The following SNX19 variants were observed in gnomAD, a reference collection of about 807,000 sequenced individuals.
SNX19 encodes the protein sorting nexin-19.
Under a neutral mutation model 85.2 loss-of-function variants are expected in SNX19, and 60 were observed. The observed-to-expected ratio is 0.70, with a 90% CI of 0.57 to 0.87. The LOEUF (loss-of-function observed/expected upper bound fraction) is 0.87. Ranked by LOEUF, SNX19 falls within the 40% of genes least tolerant of loss-of-function variation. The probability of loss-of-function intolerance (pLI) is 0.00; values close to 1 mark genes in which losing one functional copy is unlikely to be tolerated. For missense variants in SNX19, 1,201 were observed against 1,217.8 expected (o/e 0.99, Z 0.21); for synonymous variants, 520 against 470.0 (o/e 1.11, Z -1.38).
chr11:130,905,701 T>TCA (rs1945611063), intron 7 of SNX19: 1 of 1,529,826 alleles, frequency 6.5e-7, no homozygotes, highest in Non-Finnish European at 8.8e-7. Flanking sequence ...ATCAATATTA[T>TCA]CAGCATGATC....
intron 4 of SNX19, 79 bp downstream of exon 4, chr11:130,909,939 C>G (rs980959151): frequency 6.3e-6 from 10 of 1,578,198 alleles, no homozygotes; most frequent in Non-Finnish European, 8.6e-6. Flanking sequence ...TCTTATTTTT[C>G]AAGGACTGCC....
intron 8 of SNX19, among the ~76,000 whole-genome samples, chr11:130,884,955 G>T (rs77614936): frequency 0.013 from 2,033 of 151,890 alleles, 47 homozygotes; most frequent in African/African-American, 0.047. Context: ...CAAGATGCAT[G>T]AAGTAAATAT....
In SNX19 at chr11:130,915,930, C is replaced by G. The variant is rs1946557921; in HGVS notation, c.10G>C (p.Glu4Gln). The G allele has an allele frequency of 2.5e-6, 4 of 1,613,536 alleles. No individual in the cohort carries two copies. The highest frequency in any genetic ancestry group is 3.4e-6 in the Non-Finnish European group (4 of 1,179,668). The change falls in exon 1 of 11, where the codon GAA (glutamate) becomes CAA (glutamine). Residue 4 changes from glutamate to glutamine, a missense_variant. By Grantham distance (29) the Glu-to-Gln change is conservative (BLOSUM62 2). This residue lies in a region of SNX19 where 791 missense variants were observed against 750.9 expected (regional missense o/e 1.05). Transcript: ENST00000265909. ...GTTTCCTGGAACGGTGGCACTGTTT[C>G]TGTCTTCATGGCTGAACGGACAAGG... The part of the protein sequence containing the change: MKT[E>Q]TVPPFQETPA...
chr11:130,888,602 A>T (rs1418981658), intron 8 of SNX19, among the ~76,000 whole-genome samples: 11 of 152,186 alleles, frequency 7.2e-5, no homozygotes, highest in Non-Finnish European at 1.5e-5. Flanking sequence ...CCCTTCCCAA[A>T]TGTTCACAAA....
chr11:130,880,095 C>T (rs934505850), intron 9 of SNX19, among the ~76,000 whole-genome samples: 1 of 152,172 alleles, frequency 6.6e-6, no homozygotes, highest in Non-Finnish European at 1.5e-5. Flanking sequence ...GCCTTCCTGG[C>T]CCTCTAAAAA....
intron 8 of SNX19, among the ~76,000 whole-genome samples, chr11:130,901,362 C>T (rs906326191): frequency 3.3e-5 from 5 of 151,988 alleles, no homozygotes; most frequent in Non-Finnish European, 7.4e-5. Flanking sequence ...CCTTAATTCT[C>T]GGGGAAAGAG....
intron 8 of SNX19, among the ~76,000 whole-genome samples, chr11:130,895,384 C>T (rs1262998018): frequency 7.9e-5 from 12 of 152,198 alleles, no homozygotes; most frequent in Non-Finnish European, 8.8e-5. Context: ...GAGGGACTGC[C>T]TCCAGTAGAA....
intron 8 of SNX19, among the ~76,000 whole-genome samples, chr11:130,895,324 G>A: frequency 6.6e-6 from 1 of 152,168 alleles, no homozygotes; most frequent in East Asian, 1.9e-4. Flanking sequence ...TTTGCTTCTG[G>A]TCCCCCAGCA....
chr11:130,891,835 G>C lies in SNX19; in HGVS notation c.2574-11029C>G, dbSNP rs1944517761. ...TGTGACATGTTTAAGATTTCATTCT[G>C]AAAGTTTTTTCTTTTTTTTTTTTTT... is the stretch of plus-strand genomic sequence containing the variant. On this transcript the variant is annotated intron_variant, in intron 8 of 10. Coordinates refer to ENST00000265909, the MANE Select transcript of SNX19 (RefSeq NM_014758.3). Among the ~76,000 whole-genome samples, 4 of 142,376 alleles carry C rather than the reference G, an allele frequency of 2.8e-5. No homozygotes were observed. The Admixed American group carries it at 3.0e-4, about 11-fold the overall frequency. 93.4% of individuals were successfully genotyped at this position (142,376 alleles called of 152,430 possible). A position where few individuals can be genotyped will look rare whatever the true frequency, so the allele number is the denominator to read the frequency against.
At chr11:130,908,313 A>C (rs2135401443) in intron 4 of SNX19, 3 of 340,880 alleles carry the variant, frequency 8.8e-6, no homozygotes, top group Non-Finnish European at 1.0e-5. Context: ...TAAAACAAAC[A>C]ACGCCATGGG....
intron 8 of SNX19, among the ~76,000 whole-genome samples, chr11:130,889,366 T>C (rs1487025533): frequency 6.6e-6 from 1 of 152,154 alleles, no homozygotes; most frequent in African/African-American, 2.4e-5. Flanking sequence ...AAAGCATTGG[T>C]TGAGCTTCTT....
At position 130,878,400 on chromosome 11, in the gene SNX19, G is replaced by A. The variant is rs1195524521; in HGVS notation, c.*22C>T. 6.2e-7 allele frequency: 1 copy of A among 1,611,650 alleles called. No homozygotes were observed. The highest frequency in any genetic ancestry group is 1.7e-5 in the Admixed American group (1 of 59,818). On this transcript the variant is annotated 3_prime_UTR_variant, in exon 11 of 11. Coordinates refer to ENST00000265909, the MANE Select transcript of SNX19 (RefSeq NM_014758.3). ...CGAGTAACTCTACTTCCCTGACCTG[G>A]GAAGAAGGCGTGAATAACCAGCTAA...
At position 130,915,936 on chromosome 11, in the gene SNX19, T is replaced by C. The variant is rs774353804; in HGVS notation, c.4A>G (p.Lys2Glu). ...TGGAACGGTGGCACTGTTTCTGTCT[T>C]CATGGCTGAACGGACAAGGTGGCTT... is the stretch of plus-strand genomic sequence containing the variant. M[K>E]TETVPPFQET... Residue 2 changes from lysine (K) to glutamate (E), a missense_variant, in exon 1 of 11, where the codon AAG becomes GAG. Lys to Glu is a moderately conservative substitution (Grantham distance 56). Coordinates refer to ENST00000265909, the MANE Select transcript of SNX19 (RefSeq NM_014758.3). 2 of 1,613,174 alleles carry C rather than the reference T, an allele frequency of 1.2e-6. No homozygotes were observed. Among genetic ancestry groups the C allele is most frequent in the Non-Finnish European group, 1.7e-6 (2 of 1,179,380 alleles).
Position 130,875,156 on chromosome 11 carries a change from T to C in SNX19, c.*3266A>G, listed in dbSNP as rs1943175079. Reference sequence around the variant, plus strand: ...GAACAAAGAAAATGTGGCATAGCCATACAATGGAATGTTTTCAGCCTTAAA... The same window carrying C: ...GAACAAAGAAAATGTGGCATAGCCACACAATGGAATGTTTTCAGCCTTAAA... On this transcript the variant is annotated 3_prime_UTR_variant, in exon 11 of 11. Transcript: ENST00000265909. Among the ~76,000 whole-genome samples the C allele has an allele frequency of 6.6e-6, 1 of 152,184 alleles. No individual in the cohort carries two copies. Among genetic ancestry groups the C allele is most frequent in the Non-Finnish European group, 1.5e-5 (1 of 68,036 alleles).
chr11:130,906,052 C>CT lies in SNX19; in HGVS notation c.2343dup (p.Ala782SerfsTer7), dbSNP rs1945644292. On this transcript the variant is annotated frameshift_variant, in exon 7 of 11. Transcript: ENST00000265909. LOFTEE classifies it high-confidence loss of function. ...GGTTGTTCAGGATCTTTTTCTGGGG[C>CT]TTTTGTTGGCTGCATTTCCAGTAAC... 2 of 1,614,178 alleles carry CT rather than the reference C, an allele frequency of 1.2e-6. No homozygotes were observed. The highest frequency in any genetic ancestry group is 1.7e-6 in the Non-Finnish European group (2 of 1,180,032).
chr11:130,893,218 C>T lies in SNX19; in HGVS notation c.2573+10037G>A, dbSNP rs73581773. Among the ~76,000 whole-genome samples the T allele has an allele frequency of 5.0e-3, 756 of 152,122 alleles. 10 individuals carry two copies. The highest frequency in any genetic ancestry group is 0.017 in the African/African-American group (724 of 41,496). The stretch of plus-strand genomic sequence containing the variant: ...CAGAAGTGATAAGTAATTATGTGCT[C>T]GCAGAAGGGGCTGACCTCCAAATTT... On this transcript the variant is annotated intron_variant, in intron 8 of 10. Coordinates refer to ENST00000265909, the MANE Select transcript of SNX19 (RefSeq NM_014758.3).
chr11:130,905,537 C>A, intron 7 of SNX19: 1 of 706,572 alleles, frequency 1.4e-6, no homozygotes, highest in East Asian at 3.4e-5. Flanking sequence ...AAATCAAGCT[C>A]TGGCAGGTGG....
At chr11:130,891,729 G>GAC (rs1944507786) in intron 8 of SNX19, among the ~76,000 whole-genome samples, 1 of 152,100 alleles carries the variant, frequency 6.6e-6, no homozygotes, top group Admixed American at 6.5e-5. Flanking sequence ...AAGAGAAAAA[G>GAC]ACACTTGGGG....
chr11:130,886,911 C>T (rs1944122211), intron 8 of SNX19, among the ~76,000 whole-genome samples: 1 of 152,172 alleles, frequency 6.6e-6, no homozygotes, highest in African/African-American at 2.4e-5. Context: ...TGCCCTCTGA[C>T]TGTGTATCTA....
Sources: gnomAD v4.1 joint callset for allele counts (sites outside exome capture counted in the v4.1 genomes callset) on GRCh38, gnomAD v4.1.1 for gene constraint, gnomAD v4.1.1 regional missense constraint, MANE v1.5 for transcripts, NCBI Gene and HGNC (gene_info 2026-07-23, HGNC 2026-07-21) for gene names.